Variants in LMNB2 observed in about 807,000 individuals in gnomAD.
LMNB2 encodes the protein lamin B2.
In LMNB2, 17 loss-of-function variants were observed where a neutral mutation model predicts 69.3. The ratio of observed to expected loss-of-function variants is 0.25; its 90% CI spans 0.17 to 0.37. The LOEUF (loss-of-function observed/expected upper bound fraction) is 0.37, where lower values mean the gene tolerates loss of function less well. LMNB2 is among the 10% of genes least tolerant of loss of function. The pLI is 1.00. For synonymous variants in LMNB2, 397 were observed against 389.3 expected, an observed-to-expected ratio of 1.02 and a Z score of -0.23; for missense variants, 789 against 883.6, an observed-to-expected ratio of 0.89 and a Z score of 1.36.
In LMNB2 at chr19:2,434,356, T is replaced by G; in HGVS notation, c.1141A>C (p.Lys381Gln). Residue 381 changes from lysine to glutamine, a missense_variant, in exon 7 of 12, where the codon AAG (lysine) becomes CAG (glutamine). Coordinates refer to ENST00000325327, the MANE Select transcript of LMNB2 (RefSeq NM_032737.4). Reference protein sequence around the residue: ...LAEYQELLDVKLALDMEINAY... With the variant: ...LAEYQELLDVQLALDMEINAY... ...TTGATCTCCATGTCCAGGGCCAGCT[T>G]CACGTCCAGCAGCTCCTGGTACTCG... 1 of 1,613,238 alleles carries G rather than the reference T, an allele frequency of 6.2e-7. No homozygotes were observed. The highest frequency in any genetic ancestry group is 8.5e-7 in the Non-Finnish European group (1 of 1,179,982).
At chr19:2,452,338 G>A (rs574778434) in intron 1 of LMNB2, among the ~76,000 whole-genome samples, 6 of 152,114 alleles carry the variant, frequency 3.9e-5, no homozygotes, top group Non-Finnish European at 7.4e-5. Context: ...GAAGGCTGAG[G>A]CACGAGAAGC....
At chr19:2,445,416 T>A (rs1327355094) in intron 1 of LMNB2, among the ~76,000 whole-genome samples, 2 of 152,086 alleles carry the variant, frequency 1.3e-5, no homozygotes, top group African/African-American at 4.8e-5. Context: ...CTTCCCATGC[T>A]GTGTCCCCCC....
Position 2,431,541 on chromosome 19 carries a change from G to T in LMNB2, c.1821+7C>A, listed in dbSNP as rs201601901. ...CCCCCAGCCGCAAGTGGGCACAGGG[G>T]TCCTACCTGTTGGTGGAAAAGATCC... is the stretch of plus-strand genomic sequence containing the variant. On this transcript the variant is annotated splice_region_variant and intron_variant, in intron 11 of 11. Coordinates refer to ENST00000325327, the MANE Select transcript of LMNB2 (RefSeq NM_032737.4). 91 of 1,613,834 alleles carry T rather than the reference G, an allele frequency of 5.6e-5. 2 individuals carry two copies. In the South Asian group the frequency reaches 6.0e-4, roughly 11 times the overall value.
At chr19:2,433,778 A>C (rs758322809) in intron 8 of LMNB2, 48 bp downstream of exon 8, 15 of 1,531,782 alleles carry the variant, frequency 9.8e-6, no homozygotes, top group Non-Finnish European at 1.2e-5. Context: ...GGTCACCCCC[A>C]TCAGCTGGGT....
Position 2,456,947 on chromosome 19 carries a change from C to T in LMNB2, c.-14G>A. The T allele has an allele frequency of 1.0e-6, 1 of 987,726 alleles. No homozygotes were observed. The highest frequency in any genetic ancestry group is 4.5e-5 in the South Asian group (1 of 21,996). The allele number at this position is 987,726 out of a possible 1,614,324, so 61.2% of individuals were successfully genotyped here. Reference sequence around the variant, plus strand: ...CGGCGGGCTCATTCAATCCGCGCCGCCGGCTGCAAGATGGCGCCGCGCCGC... The same window carrying T: ...CGGCGGGCTCATTCAATCCGCGCCGTCGGCTGCAAGATGGCGCCGCGCCGC... On this transcript the variant is annotated 5_prime_UTR_variant, in exon 1 of 12. Transcript: ENST00000325327.
intron 1 of LMNB2, among the ~76,000 whole-genome samples, chr19:2,449,126 G>A (rs1250218110): frequency 6.6e-6 from 1 of 152,114 alleles, no homozygotes; most frequent in Non-Finnish European, 1.5e-5. Context: ...CAAACTCCTG[G>A]ACTCAAGCAA....
intron 2 of LMNB2, among the ~76,000 whole-genome samples, chr19:2,439,364 A>C: frequency 6.7e-6 from 1 of 150,324 alleles, no homozygotes; most frequent in East Asian, 1.9e-4. Flanking sequence ...CAGCGTCACA[A>C]CTGCTGACAT....
intron 11 of LMNB2, 63 bp from the exon 12 acceptor site, chr19:2,431,015 TA>T (rs1029514019): frequency 1.9e-6 from 2 of 1,054,350 alleles, no homozygotes; most frequent in Non-Finnish European, 3.0e-6. Context: ...AGCCGGCAGG[TA>T]GATGGCTGCC....
intron 4 of LMNB2, 85 bp downstream of exon 4, chr19:2,438,078 G>A: frequency 6.3e-7 from 1 of 1,590,126 alleles, no homozygotes; most frequent in South Asian, 1.1e-5. Flanking sequence ...GCCACACGGT[G>A]CCCTCAGGCT....
intron 6 of LMNB2, 131 bp downstream of exon 6, chr19:2,434,657 A>C: frequency 6.7e-7 from 1 of 1,497,132 alleles, no homozygotes; most frequent in Non-Finnish European, 8.9e-7. Flanking sequence ...GAGGGGAGGG[A>C]AGGGGCATCG....
At chr19:2,432,305 TG>T in intron 9 of LMNB2, 110 bp downstream of exon 9, 1 of 882,884 alleles carries the variant, frequency 1.1e-6, no homozygotes, top group Non-Finnish European at 1.8e-6. Context: ...AGACGGTGCC[TG>T]GTGCCACCAT....
chr19:2,449,551 G>C (rs1329863436), intron 1 of LMNB2, among the ~76,000 whole-genome samples: 2 of 151,632 alleles, frequency 1.3e-5, no homozygotes, highest in South Asian at 2.1e-4. Context: ...AGGCTGAGGC[G>C]GGCGAATTAC....
At chr19:2,445,931 GC>G (rs1195460279) in intron 1 of LMNB2, among the ~76,000 whole-genome samples, 4 of 31,022 alleles carry the variant, frequency 1.3e-4, no homozygotes, top group African/African-American at 4.7e-4. Context: ...GTCCCCAGCT[GC>G]CCCCCCCAAC....
rs201457236 is a variant in LMNB2 at position 2,435,051 on chromosome 19, C to T, written c.805G>A (p.Glu269Lys). The T allele has an allele frequency of 1.2e-5, 19 of 1,610,504 alleles. No homozygotes were observed. Among genetic ancestry groups the T allele is most frequent in the Non-Finnish European group, 1.2e-5 (14 of 1,179,592 alleles). The change falls in exon 5 of 12, where the codon GAG (glutamate) becomes AAG (lysine). Residue 269 changes from glutamate to lysine, a missense_variant. Glu to Lys is a moderately conservative substitution (Grantham distance 56). Coordinates refer to ENST00000325327, the MANE Select transcript of LMNB2 (RefSeq NM_032737.4). ...ALEELRSQHD[E>K]QVRLYKLELE... The stretch of plus-strand genomic sequence containing the variant: ...TCCAGCTTGTAGAGCCGCACTTGCT[C>T]GTCGTGCTGGCTCCGCAGCTCCTCC...
chr19:2,448,851 T>G (rs533575960), intron 1 of LMNB2, among the ~76,000 whole-genome samples: 7 of 152,076 alleles, frequency 4.6e-5, no homozygotes, highest in East Asian at 3.8e-4. Context: ...CTTCAAAAAA[T>G]AAAAAGAAAA....
intron 1 of LMNB2, among the ~76,000 whole-genome samples, chr19:2,456,090 C>T (rs977768449): frequency 6.6e-6 from 1 of 151,244 alleles, no homozygotes. Flanking sequence ...CGTTCAGAGT[C>T]CCCCGCGATC....
chr19:2,441,121 C>CTACG (rs1971895377), intron 2 of LMNB2, among the ~76,000 whole-genome samples: 1 of 152,256 alleles, frequency 6.6e-6, no homozygotes, highest in Non-Finnish European at 1.5e-5. Context: ...CAGACACGAG[C>CTACG]TACGGGGCAG....
In LMNB2 at chr19:2,430,726, T is replaced by G. The variant is rs1181734267; in HGVS notation, c.*185A>C. The G allele has an allele frequency of 2.0e-5, 14 of 686,770 alleles. No homozygotes were observed. The highest frequency in any genetic ancestry group is 3.5e-5 in the Non-Finnish European group (13 of 369,932). 42.5% of individuals were successfully genotyped at this position (686,770 alleles called of 1,614,324 possible). A position where few individuals can be genotyped will look rare whatever the true frequency, so the allele number is the denominator to read the frequency against. ...AAAAGTCTCCGGGGCAGCGGCGAAGTGGCAGCGAAGTGAGGCTGGAGGAGA... is the reference window on the plus strand; with the variant it reads ...AAAAGTCTCCGGGGCAGCGGCGAAGGGGCAGCGAAGTGAGGCTGGAGGAGA... On this transcript the variant is annotated 3_prime_UTR_variant, in exon 12 of 12. Transcript: ENST00000325327.
intron 1 of LMNB2, among the ~76,000 whole-genome samples, chr19:2,446,384 G>A (rs1599339242): frequency 2.0e-5 from 3 of 151,794 alleles, no homozygotes; most frequent in Non-Finnish European, 2.9e-5. Context: ...CCCCAAACCC[G>A]CCCCTCTCGA....
Sources: gnomAD v4.1 joint callset for allele counts (sites outside exome capture counted in the v4.1 genomes callset) on GRCh38, gnomAD v4.1.1 for gene constraint, MANE v1.5 for transcripts, NCBI Gene and HGNC (gene_info 2026-07-23, HGNC 2026-07-21) for gene names.